The following FHIT variants were observed in gnomAD, a reference collection of about 807,000 sequenced individuals.
FHIT encodes the protein fragile histidine triad diadenosine triphosphatase.
FHIT carries 19 observed loss-of-function variants against 17.9 expected under a neutral mutation model. The ratio of observed to expected loss-of-function variants is 1.06; its 90% CI spans 0.74 to 1.56. The LOEUF (loss-of-function observed/expected upper bound fraction) is 1.56, where lower values mean the gene tolerates loss of function less well. Among genes scored for constraint, FHIT ranks in the 40% most tolerant of loss-of-function variants. FHIT has a pLI of 0.00. For synonymous variants in FHIT, 81 were observed against 69.7 expected, an observed-to-expected ratio of 1.16 and a Z score of -0.81; for missense variants, 248 against 189.2, an observed-to-expected ratio of 1.31 and a Z score of -1.82.
At chr3:59,929,019 AAGG>A in intron 7 of FHIT, among the ~76,000 whole-genome samples, 1 of 150,142 alleles carries the variant, frequency 6.7e-6, no homozygotes, top group Non-Finnish European at 1.5e-5. Flanking sequence ...AAAAAAAAAA[AAGG>A]ACAGATAATA....
chr3:59,989,759 G>A (rs1709146371), intron 7 of FHIT, among the ~76,000 whole-genome samples: 2 of 151,938 alleles, frequency 1.3e-5, no homozygotes, highest in African/African-American at 4.8e-5. Context: ...CCCTTCCCCT[G>A]TAAATTTCCA....
At chr3:60,277,755 C>A (rs1221744635) in intron 5 of FHIT, among the ~76,000 whole-genome samples, 1 of 126,834 alleles carries the variant, frequency 7.9e-6, no homozygotes. Context: ...AAGCTGTTCT[C>A]CTTTCTCTTT....
chr3:60,795,508 G>T lies in FHIT; in HGVS notation c.-18+26411C>A, dbSNP rs78915206. Among the ~76,000 whole-genome samples, 149 of 143,008 alleles carry T rather than the reference G, an allele frequency of 1.0e-3. 1 individual carries two copies. Among genetic ancestry groups the T allele is most frequent in the Middle Eastern group, 3.6e-3 (1 of 278 alleles). 93.8% of individuals were successfully genotyped at this position (143,008 alleles called of 152,430 possible). On this transcript the variant is annotated intron_variant, in intron 4 of 9. Coordinates refer to ENST00000492590, the MANE Select transcript of FHIT (RefSeq NM_002012.4). Reference sequence around the variant, plus strand: ...CTTTTTCCTTTTTCCTTTGTTTTTTGTTTTTTTTTTTTTAAGACAGGGTCT... The same window carrying T: ...CTTTTTCCTTTTTCCTTTGTTTTTTTTTTTTTTTTTTTTAAGACAGGGTCT...
At chr3:59,868,887 G>A (rs1424169612) in intron 8 of FHIT, among the ~76,000 whole-genome samples, 1 of 152,198 alleles carries the variant, frequency 6.6e-6, no homozygotes, top group Admixed American at 6.5e-5. Context: ...TAAAATCCCA[G>A]GGAAAGATTC....
chr3:60,495,682 C>A (rs1212232206), intron 5 of FHIT, among the ~76,000 whole-genome samples: 1 of 152,058 alleles, frequency 6.6e-6, no homozygotes, highest in African/African-American at 2.4e-5. Context: ...CAATGCCATT[C>A]CTTTAAAAAA....
At chr3:61,126,202 C>T (rs2036601236) in intron 2 of FHIT, among the ~76,000 whole-genome samples, 5 of 151,998 alleles carry the variant, frequency 3.3e-5, no homozygotes, top group Admixed American at 3.3e-4. Flanking sequence ...TTGAGCCAGA[C>T]ACCATCCTAG....
chr3:60,832,592 C>T (rs542822679), intron 3 of FHIT, among the ~76,000 whole-genome samples: 6 of 151,976 alleles, frequency 3.9e-5, no homozygotes, highest in Non-Finnish European at 7.4e-5. Flanking sequence ...AGAGATACAT[C>T]AGGTATGTCA....
intron 8 of FHIT, among the ~76,000 whole-genome samples, chr3:59,756,528 T>C (rs940715372): frequency 2.0e-5 from 3 of 152,168 alleles, no homozygotes; most frequent in Admixed American, 6.5e-5. Flanking sequence ...AGGATAAGGA[T>C]GTCTCATACA....
chr3:59,875,991 G>A (rs1193174750), intron 8 of FHIT, among the ~76,000 whole-genome samples: 1 of 151,076 alleles, frequency 6.6e-6, no homozygotes, highest in African/African-American at 2.4e-5. Flanking sequence ...GAATTTTATA[G>A]ATTACAAATT....
intron 5 of FHIT, among the ~76,000 whole-genome samples, chr3:60,056,278 G>T (rs1479476435): frequency 1.3e-5 from 2 of 152,210 alleles, no homozygotes; most frequent in Admixed American, 1.3e-4. Flanking sequence ...TTTTGGTGTA[G>T]ATTAGAAAGC....
chr3:60,827,791 G>T lies in FHIT; in HGVS notation c.-110-5780C>A, dbSNP rs1702181768. ...CAGCTCCACTGATAGTGAAAGGAAA[G>T]AATCATATGGCCTCTGCTGCTACAT... On this transcript the variant is annotated intron_variant, in intron 3 of 9. Coordinates refer to ENST00000492590, the MANE Select transcript of FHIT (RefSeq NM_002012.4). Among the ~76,000 whole-genome samples, 3 of 152,218 alleles carry T rather than the reference G, an allele frequency of 2.0e-5. No homozygotes were observed. In the South Asian group the frequency reaches 6.2e-4, roughly 31 times the overall value.
chr3:60,014,215 C>A, intron 5 of FHIT, 63 bp from the exon 6 acceptor site: 1 of 1,553,428 alleles, frequency 6.4e-7, no homozygotes, highest in Non-Finnish European at 8.8e-7. Flanking sequence ...CCAAGCAGTT[C>A]ATACCCACAG....
chr3:60,211,068 T>TAAAAAAAAAAA (rs10663373), intron 5 of FHIT, among the ~76,000 whole-genome samples: 1 of 84,464 alleles, frequency 1.2e-5, no homozygotes. Context: ...TATAAAACCG[T>TAAAAAAAAAAA]AAAAAAAAAA....
intron 5 of FHIT, among the ~76,000 whole-genome samples, chr3:60,121,904 T>A (rs1705274666): frequency 6.6e-6 from 1 of 152,164 alleles, no homozygotes; most frequent in Non-Finnish European, 1.5e-5. Flanking sequence ...CAATGTTGTA[T>A]CTACAGTCAA....
chr3:60,578,954 C>T (rs12491463), intron 4 of FHIT, among the ~76,000 whole-genome samples: 1 of 152,002 alleles, frequency 6.6e-6, no homozygotes, highest in African/African-American at 2.4e-5. Flanking sequence ...AAAGTAAACA[C>T]TCACAAGAAA....
chr3:60,427,198 C>A (rs1221720276), intron 5 of FHIT, among the ~76,000 whole-genome samples: 2 of 152,008 alleles, frequency 1.3e-5, no homozygotes, highest in African/African-American at 4.8e-5. Flanking sequence ...TGTGAGAGGG[C>A]TTCAAGAGAT....
intron 4 of FHIT, among the ~76,000 whole-genome samples, chr3:60,552,721 G>T (rs1228738647): frequency 6.6e-6 from 1 of 152,130 alleles, no homozygotes; most frequent in Non-Finnish European, 1.5e-5. Context: ...CTTTAGACAT[G>T]TTACTTGGTG....
At chr3:59,798,039 T>G (rs1417412436) in intron 8 of FHIT, among the ~76,000 whole-genome samples, 1 of 152,180 alleles carries the variant, frequency 6.6e-6, no homozygotes, top group Non-Finnish European at 1.5e-5. Flanking sequence ...GCTGCCCATT[T>G]GTGTTTTGGT....
intron 7 of FHIT, among the ~76,000 whole-genome samples, chr3:59,965,937 G>C (rs993359263): frequency 2.0e-5 from 3 of 152,170 alleles, no homozygotes; most frequent in African/African-American, 7.2e-5. Flanking sequence ...TGGGAAATGA[G>C]ACTTCTAGGG....
Sources: allele counts gnomAD v4.1 joint callset (sites outside exome capture counted in the v4.1 genomes callset), GRCh38; gene constraint gnomAD v4.1.1; transcripts MANE v1.5; gene names NCBI Gene and HGNC (gene_info 2026-07-23, HGNC 2026-07-21).